RTN3: variants seen among roughly 807,000 people sequenced by gnomAD.
The protein encoded by RTN3 is reticulon 3, also known as reticulon-3.
In RTN3, 49 loss-of-function variants were observed where a neutral mutation model predicts 77.8. The ratio of observed to expected loss-of-function variants is 0.63; its 90% CI spans 0.50 to 0.80. RTN3 has a LOEUF of 0.80. Ranked by LOEUF, RTN3 falls within the 30% of genes least tolerant of loss-of-function variation. The probability of loss-of-function intolerance (pLI) is 0.00; values close to 1 mark genes in which losing one functional copy is unlikely to be tolerated. For synonymous variants in RTN3, 464 were observed against 446.9 expected (o/e 1.04, Z -0.48); for missense variants, 1,236 against 1,211.9 (o/e 1.02, Z -0.29).
chr11:63,686,286 T>C (rs1941365041), intron 1 of RTN3, among the ~76,000 whole-genome samples: 1 of 151,688 alleles, frequency 6.6e-6, no homozygotes, highest in Non-Finnish European at 1.5e-5. Flanking sequence ...CTGGCTAACA[T>C]GGTGAAACCC....
intron 2 of RTN3, among the ~76,000 whole-genome samples, chr11:63,715,820 G>A (rs2011364598): frequency 6.6e-6 from 1 of 152,144 alleles, no homozygotes; most frequent in African/African-American, 2.4e-5. Flanking sequence ...ACACTGACTA[G>A]TAAGTTCAGT....
At chr11:63,736,225 C>T (rs2013110654) in intron 3 of RTN3, among the ~76,000 whole-genome samples, 1 of 152,120 alleles carries the variant, frequency 6.6e-6, no homozygotes, top group African/African-American at 2.4e-5. Flanking sequence ...ATGCTCAGCT[C>T]CTAGAAGCTG....
chr11:63,698,243 T>C (rs1329230735), intron 1 of RTN3, among the ~76,000 whole-genome samples: 1 of 151,878 alleles, frequency 6.6e-6, no homozygotes, highest in Non-Finnish European at 1.5e-5. Flanking sequence ...TTCAGCTCAG[T>C]CCCCCCAAGT....
intron 2 of RTN3, among the ~76,000 whole-genome samples, chr11:63,705,519 A>G (rs577443085): frequency 1.3e-5 from 2 of 152,336 alleles, no homozygotes; most frequent in African/African-American, 2.4e-5. Context: ...GGCTCAGGAA[A>G]CACCCAACCC....
intron 2 of RTN3, among the ~76,000 whole-genome samples, chr11:63,712,026 A>G (rs991521996): frequency 2.0e-5 from 3 of 152,200 alleles, no homozygotes; most frequent in Non-Finnish European, 2.9e-5. Flanking sequence ...TCTGCATAGA[A>G]CCTAGCACAA....
At chr11:63,734,898 G>C (rs1354202529) in intron 3 of RTN3, among the ~76,000 whole-genome samples, 7 of 152,086 alleles carry the variant, frequency 4.6e-5, no homozygotes, top group Non-Finnish European at 8.8e-5. Flanking sequence ...TGTTTACATA[G>C]AAAATCCTAA....
At chr11:63,740,448 A>ATTTTTTTTTTTTTTTTT (rs34045543) in intron 3 of RTN3, among the ~76,000 whole-genome samples, 1 of 120,754 alleles carries the variant, frequency 8.3e-6, no homozygotes. Context: ...TGCCTGGCTA[A>ATTTTTTTTTTTTTTTTT]TTTTTTTTTT....
intron 3 of RTN3, among the ~76,000 whole-genome samples, chr11:63,729,723 G>A (rs2012556090): frequency 6.6e-6 from 1 of 151,842 alleles, no homozygotes; most frequent in Admixed American, 6.6e-5. Context: ...GTCTCCCAAA[G>A]TGCTGGGATT....
At chr11:63,682,062 C>T (rs1201853657) in intron 1 of RTN3, among the ~76,000 whole-genome samples, 1 of 152,142 alleles carries the variant, frequency 6.6e-6, no homozygotes, top group African/African-American at 2.4e-5. Context: ...AATACCAGCT[C>T]GTGGGATAAA....
intron 3 of RTN3, among the ~76,000 whole-genome samples, chr11:63,725,964 G>T (rs1024014977): frequency 3.3e-5 from 5 of 152,056 alleles, no homozygotes; most frequent in African/African-American, 1.2e-4. Context: ...GTGCTAAAGT[G>T]GAATGAAAAG....
chr11:63,719,522 G>A lies in RTN3; in HGVS notation c.1020G>A (p.Leu340=), dbSNP rs2011603190. 1.9e-6 allele frequency: 3 copies of A among 1,614,064 alleles called. No homozygotes were observed. Among genetic ancestry groups the A allele is most frequent in the African/African-American group, 2.7e-5 (2 of 74,920 alleles). The change falls in exon 3 of 9, where the codon CTG becomes CTA. Residue 340 remains leucine, a synonymous_variant. Transcript: ENST00000377819. ...NDMHNFTNEI[L]TWDLVPQVKQ... Reference sequence around the variant, plus strand: ...TGCATAACTTTACTAACGAAATACTGACTTGGGATCTGGTTCCCCAAGTGA... The same window carrying A: ...TGCATAACTTTACTAACGAAATACTAACTTGGGATCTGGTTCCCCAAGTGA...
Position 63,681,752 on chromosome 11 carries a change from C to T in RTN3, c.116C>T (p.Thr39Met). 2 of 1,602,642 alleles carry T rather than the reference C, an allele frequency of 1.2e-6. No individual in the cohort carries two copies. Among genetic ancestry groups the T allele is most frequent in the Non-Finnish European group, 1.7e-6 (2 of 1,176,874 alleles). ...CCAGGAGCCTGCCCCGCCCTGGGGA[C>T]GAAGAGCTGCAGCTCCTCCTGTGCG... The part of the protein sequence containing the change: ...GSPGACPALG[T>M]KSCSSSCADS... Residue 39 changes from threonine to methionine, a missense_variant, in exon 1 of 9, where the codon ACG becomes ATG. Around this residue, in one of 3 missense-constraint regions of RTN3, gnomAD observed 1,056 missense variants for 990.4 expected, o/e 1.07. Transcript: ENST00000377819.
intron 1 of RTN3, among the ~76,000 whole-genome samples, chr11:63,699,387 C>A (rs981273050): frequency 1.1e-4 from 17 of 152,098 alleles, no homozygotes; most frequent in African/African-American, 4.1e-4. Context: ...CTTCTCCAGT[C>A]TTTAACATCC....
At chr11:63,734,850 G>A (rs556768190) in intron 3 of RTN3, among the ~76,000 whole-genome samples, 57 of 151,192 alleles carry the variant, frequency 3.8e-4, no homozygotes, top group African/African-American at 1.3e-3. Flanking sequence ...GATTAGAAAG[G>A]AAGAAGTTAA....
chr11:63,736,905 G>A (rs1341951096), intron 3 of RTN3, among the ~76,000 whole-genome samples: 1 of 151,830 alleles, frequency 6.6e-6, no homozygotes, highest in Non-Finnish European at 1.5e-5. Flanking sequence ...CACAGTTAGG[G>A]GCAGGGGAAA....
rs550640773 is a variant in RTN3, at chr11:63,697,884, TTCTG to T, written c.143-6963_143-6960del. On this transcript the variant is annotated intron_variant, in intron 1 of 8. Coordinates refer to ENST00000377819, the MANE Select transcript of RTN3 (RefSeq NM_001265589.2). Reference sequence around the variant, plus strand: ...CAGACTTTTTTCTTCATTGGCTCCTTTCTGTCTTTCTGTAAATATACTTGTCATT... The same window carrying T: ...CAGACTTTTTTCTTCATTGGCTCCTTTCTTTCTGTAAATATACTTGTCATT... Among the ~76,000 whole-genome samples, 101 of 152,286 alleles carry T rather than the reference TTCTG, an allele frequency of 6.6e-4. 1 individual carries two copies. Among genetic ancestry groups the T allele is most frequent in the African/African-American group, 2.3e-3 (94 of 41,556 alleles).
At position 63,720,094 on chromosome 11, in the gene RTN3, T is replaced by A; in HGVS notation, c.1592T>A (p.Val531Asp). 6.2e-7 allele frequency: 1 copy of A among 1,613,378 alleles called. No homozygotes were observed. Among genetic ancestry groups the A allele is most frequent in the South Asian group, 1.1e-5 (1 of 90,788 alleles). Residue 531 changes from valine (V) to aspartate (D), a missense_variant, in exon 3 of 9, where the codon GTT becomes GAT. Physicochemically the swap from Val to Asp is radical, Grantham distance 152. This residue lies in a region of RTN3 where 1,056 missense variants were observed against 990.4 expected (regional missense o/e 1.07). Coordinates refer to ENST00000377819, the MANE Select transcript of RTN3 (RefSeq NM_001265589.2). ...AEKPVSIPSA[V>D]VKTGEREIKE... ...AAACCTGTTTCCATTCCAAGTGCTG[T>A]TGTAAAAACAGGTGAAAGAGAAATC...
chr11:63,701,094 A>AAG (rs1386202202), intron 1 of RTN3, among the ~76,000 whole-genome samples: 8 of 151,776 alleles, frequency 5.3e-5, no homozygotes, highest in Non-Finnish European at 1.0e-4. Flanking sequence ...TTCTCAAAAA[A>AAG]AAAAAAAAAG....
At chr11:63,692,012 C>G (rs1941685111) in intron 1 of RTN3, among the ~76,000 whole-genome samples, 1 of 152,110 alleles carries the variant, frequency 6.6e-6, no homozygotes, top group African/African-American at 2.4e-5. Context: ...CTCAACCTCC[C>G]CCTTTCTCAC....
Sources: allele counts gnomAD v4.1 joint callset (sites outside exome capture counted in the v4.1 genomes callset), GRCh38; gene constraint gnomAD v4.1.1; regional missense constraint gnomAD v4.1.1; transcripts MANE v1.5; gene names NCBI Gene and HGNC (gene_info 2026-07-23, HGNC 2026-07-21).